PCDH11X: variants seen among roughly 807,000 people sequenced by gnomAD.
The protein encoded by PCDH11X is protocadherin-11 X-linked.
PCDH11X carries 18 observed loss-of-function variants against 53.3 expected under a neutral mutation model. That is an observed-to-expected ratio of 0.34 (90% CI 0.23 to 0.50). The LOEUF is 0.50. Ranked by LOEUF, PCDH11X falls within the 20% of genes least tolerant of loss-of-function variation. The probability of loss-of-function intolerance (pLI) is 0.98; values close to 1 mark genes in which losing one functional copy is unlikely to be tolerated. For synonymous variants in PCDH11X, 279 were observed against 393.3 expected (o/e 0.71, Z 3.44); for missense variants, 570 against 1,032.4 (o/e 0.55, Z 6.14).
At chrX:92,048,052 T>C (rs2063316300) in intron 6 of PCDH11X, among the ~76,000 whole-genome samples, 1 of 111,024 alleles carries the variant, frequency 9.0e-6, no homozygotes, top group South Asian at 3.8e-4. Flanking sequence ...GTATCAGCAT[T>C]AGAAGTAGAA....
chrX:92,481,497 A>C (rs1365533032), intron 10 of PCDH11X, among the ~76,000 whole-genome samples: 1 of 109,776 alleles, frequency 9.1e-6, no homozygotes, highest in Non-Finnish European at 1.9e-5. Context: ...AGTGTGGTGC[A>C]GTCCACCAGT....
At chrX:91,820,976 T>C (rs1306720822) in intron 4 of PCDH11X, among the ~76,000 whole-genome samples, 1 of 108,695 alleles carries the variant, frequency 9.2e-6, no homozygotes, top group Non-Finnish European at 1.9e-5. Flanking sequence ...AAAGATCAGA[T>C]AGTCGTAGAT....
chrX:92,292,423 G>A (rs1051286579), intron 8 of PCDH11X, among the ~76,000 whole-genome samples: 36 of 111,770 alleles, frequency 3.2e-4, no homozygotes, highest in East Asian at 2.0e-3. Context: ...TTCATGAAAC[G>A]CATTTCTAAG....
At chrX:92,143,615 G>A (rs1355970253) in intron 6 of PCDH11X, among the ~76,000 whole-genome samples, 2 of 112,611 alleles carry the variant, frequency 1.8e-5, no homozygotes, top group Non-Finnish European at 3.7e-5. Context: ...AGAAGAAGAT[G>A]TATGGAAACA....
intron 6 of PCDH11X, among the ~76,000 whole-genome samples, chrX:92,033,116 T>A (rs2063076801): frequency 9.1e-6 from 1 of 110,088 alleles, no homozygotes; most frequent in African/African-American, 3.3e-5. Flanking sequence ...AAATGATCAG[T>A]TTAAATGTAT....
intron 8 of PCDH11X, among the ~76,000 whole-genome samples, chrX:92,287,499 TATCCACCGTTGGC>T (rs1275607839): frequency 9.0e-6 from 1 of 111,226 alleles, no homozygotes; most frequent in East Asian, 2.8e-4. Context: ...TCTCATTCAG[TATCCACCGTTGGC>T]ATTCTGTCTT....
intron 9 of PCDH11X, among the ~76,000 whole-genome samples, chrX:92,402,301 T>C (rs922088305): frequency 1.8e-5 from 2 of 111,783 alleles, no homozygotes; most frequent in African/African-American, 6.5e-5. Context: ...AAAATTCATA[T>C]GGAACCAAAA....
chrX:92,116,846 T>C (rs1199330829), intron 6 of PCDH11X, among the ~76,000 whole-genome samples: 2 of 110,787 alleles, frequency 1.8e-5, no homozygotes, highest in African/African-American at 6.6e-5. Flanking sequence ...CCTGGACCTC[T>C]CATAGTGCTG....
At chrX:92,127,309 A>C (rs1235623005) in intron 6 of PCDH11X, among the ~76,000 whole-genome samples, 1 of 108,468 alleles carries the variant, frequency 9.2e-6, no homozygotes, top group Non-Finnish European at 1.9e-5. Context: ...GTACCAGCCA[A>C]AAATTTGAAT....
At chrX:92,343,630 T>G in intron 8 of PCDH11X, among the ~76,000 whole-genome samples, 1 of 111,968 alleles carries the variant, frequency 8.9e-6, no homozygotes, top group Middle Eastern at 4.7e-3. Flanking sequence ...TTTTTAATTT[T>G]ACCAAACTAG....
chrX:92,053,064 C>G (rs758065525), intron 6 of PCDH11X, among the ~76,000 whole-genome samples: 1 of 111,757 alleles, frequency 8.9e-6, no homozygotes, highest in African/African-American at 3.2e-5. Flanking sequence ...ATTCACAGTT[C>G]TTATTTCATG....
intron 6 of PCDH11X, among the ~76,000 whole-genome samples, chrX:92,099,061 G>A (rs1334571282): frequency 8.9e-6 from 1 of 112,192 alleles, no homozygotes; most frequent in Non-Finnish European, 1.9e-5. Context: ...GTATAGGCTA[G>A]TAACTCATAT....
chrX:92,104,334 C>T (rs1164760313), intron 6 of PCDH11X, among the ~76,000 whole-genome samples: 1 of 109,977 alleles, frequency 9.1e-6, no homozygotes, highest in African/African-American at 3.3e-5. Context: ...TAGAAAGACT[C>T]AGCGACACTT....
At chrX:92,044,057 A>AC (rs1439389676) in intron 6 of PCDH11X, among the ~76,000 whole-genome samples, 1 of 111,371 alleles carries the variant, frequency 9.0e-6, no homozygotes, top group East Asian at 2.8e-4. Flanking sequence ...GAGTTCATTG[A>AC]ACATGGAAAG....
intron 5 of PCDH11X, among the ~76,000 whole-genome samples, chrX:91,842,423 C>A (rs1937536844): frequency 2.8e-5 from 3 of 107,453 alleles, no homozygotes; most frequent in Non-Finnish European, 3.8e-5. Flanking sequence ...CTTCACCAAT[C>A]TATTCTACAA....
intron 6 of PCDH11X, among the ~76,000 whole-genome samples, chrX:92,188,410 C>G (rs1311147972): frequency 9.0e-6 from 1 of 111,153 alleles, no homozygotes; most frequent in Admixed American, 9.6e-5. Context: ...AAAACAAAGA[C>G]TAAGATGTAT....
chrX:91,965,797 G>A (rs35930985), intron 6 of PCDH11X, among the ~76,000 whole-genome samples: 2 of 111,800 alleles, frequency 1.8e-5, no homozygotes, highest in South Asian at 7.4e-4. Flanking sequence ...CATACATTTG[G>A]TTTTCTCTAA....
chrX:92,613,280 G>A (rs2148818145), intron 10 of PCDH11X, among the ~76,000 whole-genome samples: 1 of 111,078 alleles, frequency 9.0e-6, no homozygotes, highest in East Asian at 2.8e-4. Flanking sequence ...CTCTTATAAG[G>A]CTGGCCTGAT....
At chrX:92,189,798 C>T (rs1277543062) in intron 6 of PCDH11X, among the ~76,000 whole-genome samples, 1 of 111,950 alleles carries the variant, frequency 8.9e-6, no homozygotes, top group Non-Finnish European at 1.9e-5. Flanking sequence ...TTTTGCTTTG[C>T]ATTTCTCTAA....
Sources: gnomAD v4.1 joint callset for allele counts (sites outside exome capture counted in the v4.1 genomes callset) on GRCh38, gnomAD v4.1.1 for gene constraint, MANE v1.5 for transcripts, NCBI Gene and HGNC (gene_info 2026-07-23, HGNC 2026-07-21) for gene names.